CSMD3: variants seen among roughly 807,000 people sequenced by gnomAD.
The protein encoded by CSMD3 is CUB and sushi domain-containing protein 3.
A neutral mutation model predicts 435.2 loss-of-function variants in CSMD3; 177 were observed. The observed-to-expected ratio is 0.41, with a 90% CI of 0.36 to 0.46. The LOEUF (loss-of-function observed/expected upper bound fraction) is 0.46, where lower values mean the gene tolerates loss of function less well. Ranked by LOEUF, CSMD3 falls within the 20% of genes least tolerant of loss-of-function variation. The probability of loss-of-function intolerance (pLI) is 0.34; values close to 1 mark genes in which losing one functional copy is unlikely to be tolerated. For missense variants in CSMD3, 4,265 were observed against 4,504.6 expected (o/e 0.95, Z 1.52); for synonymous variants, 1,656 against 1,520.5 (o/e 1.09, Z -2.07).
rs1024016512 is a variant in CSMD3, at chr8:112,596,854, C to T, written c.3716-9619G>A. On this transcript the variant is annotated intron_variant, in intron 22 of 70. Transcript: ENST00000297405. ...ACACAATATACCAGAATCTCTGGGACGCATTCAAAGCAGTGTGTAGAGGGA... is the reference window on the plus strand; with the variant it reads ...ACACAATATACCAGAATCTCTGGGATGCATTCAAAGCAGTGTGTAGAGGGA... 5.1e-3 allele frequency among the ~76,000 whole-genome samples: 782 copies of T among 151,910 alleles called. 6 individuals are homozygous for T. The highest frequency in any genetic ancestry group is 0.017 in the African/African-American group (701 of 41,416).
chr8:112,278,139 T>C (rs1586630472), intron 59 of CSMD3, among the ~76,000 whole-genome samples: 1 of 152,172 alleles, frequency 6.6e-6, no homozygotes, highest in Admixed American at 6.6e-5. Context: ...TTGATCATGC[T>C]CTTTCTTAGG....
At chr8:113,299,861 C>T (rs987051012) in intron 2 of CSMD3, among the ~76,000 whole-genome samples, 5 of 152,000 alleles carry the variant, frequency 3.3e-5, no homozygotes, top group Admixed American at 2.0e-4. Context: ...AGGTGTGTGG[C>T]ACATGCCTGT....
At chr8:112,880,151 G>A (rs778501897) in intron 10 of CSMD3, among the ~76,000 whole-genome samples, 1 of 151,952 alleles carries the variant, frequency 6.6e-6, no homozygotes, top group African/African-American at 2.4e-5. Context: ...CAATAAAAAG[G>A]CAACTTATCA....
chr8:112,475,382 A>C (rs1818943272), intron 31 of CSMD3, among the ~76,000 whole-genome samples: 1 of 152,156 alleles, frequency 6.6e-6, no homozygotes, highest in Non-Finnish European at 1.5e-5. Flanking sequence ...TGAGGTTGTA[A>C]TTTAATCACA....
At position 112,263,784 on chromosome 8, in the gene CSMD3, G is replaced by A. The variant is rs533857504; in HGVS notation, c.9717C>T (p.Ile3239=). 1.9e-6 allele frequency: 3 copies of A among 1,613,724 alleles called. No homozygotes were observed. Among genetic ancestry groups the A allele is most frequent in the Non-Finnish European group, 2.5e-6 (3 of 1,179,792 alleles). Residue 3239 remains isoleucine, a synonymous_variant, in exon 61 of 71, where the codon ATC becomes ATT. Coordinates refer to ENST00000297405, the MANE Select transcript of CSMD3 (RefSeq NM_198123.2). ...RAVTCPTPPQ[I]SNGRLEGTNF... ...TTGTTCCTTCCAGCCTTCCATTAGA[G>A]ATCTGGGGAGGAGTTGGGCAGGTAA...
chr8:113,294,097 C>T (rs1036078312), intron 2 of CSMD3, among the ~76,000 whole-genome samples: 1 of 151,876 alleles, frequency 6.6e-6, no homozygotes, highest in African/African-American at 2.4e-5. Context: ...CTTCTTGTTA[C>T]CATGTATTAC....
At chr8:112,884,495 A>G (rs1424157975) in intron 10 of CSMD3, among the ~76,000 whole-genome samples, 1 of 151,730 alleles carries the variant, frequency 6.6e-6, no homozygotes, top group African/African-American at 2.4e-5. Flanking sequence ...TGTCTTGTGC[A>G]TTGCAGAATG....
chr8:112,651,215 T>C (rs540179361), intron 18 of CSMD3, among the ~76,000 whole-genome samples: 1 of 152,352 alleles, frequency 6.6e-6, no homozygotes, highest in South Asian at 2.1e-4. Flanking sequence ...GAATAACTAC[T>C]ATTTCTATAT....
intron 1 of CSMD3, among the ~76,000 whole-genome samples, chr8:113,380,652 T>C (rs1378905087): frequency 1.3e-5 from 2 of 152,146 alleles, no homozygotes; most frequent in Non-Finnish European, 2.9e-5. Flanking sequence ...ACAATAACCT[T>C]CCATAATAAC....
chr8:112,340,310 C>T (rs749783117), intron 42 of CSMD3, among the ~76,000 whole-genome samples: 53 of 152,204 alleles, frequency 3.5e-4, no homozygotes, highest in Non-Finnish European at 6.8e-4. Context: ...GAAATGACTC[C>T]TATTTTATGA....
intron 13 of CSMD3, among the ~76,000 whole-genome samples, chr8:112,741,443 C>A (rs1014194220): frequency 4.6e-5 from 7 of 151,620 alleles, no homozygotes; most frequent in African/African-American, 1.5e-4. Flanking sequence ...CAAAAGAAAA[C>A]AAACAAAGAA....
At chr8:113,389,156 C>G (rs2094451221) in intron 1 of CSMD3, among the ~76,000 whole-genome samples, 1 of 151,660 alleles carries the variant, frequency 6.6e-6, no homozygotes, top group Non-Finnish European at 1.5e-5. Context: ...CTAATTCCCA[C>G]TGTTAACAGC....
intron 30 of CSMD3, among the ~76,000 whole-genome samples, chr8:112,503,048 T>A (rs181228702): frequency 2.6e-4 from 40 of 152,286 alleles, no homozygotes; most frequent in South Asian, 2.3e-3. Context: ...TATAACTATA[T>A]TTCTTCTCTT....
intron 7 of CSMD3, among the ~76,000 whole-genome samples, chr8:112,970,917 T>A (rs1040594428): frequency 9.2e-5 from 14 of 151,758 alleles, no homozygotes; most frequent in Admixed American, 2.0e-4. Flanking sequence ...GAGATGGGGT[T>A]TCACCGTGTA....
chr8:113,122,777 G>C (rs2131641348), intron 4 of CSMD3, among the ~76,000 whole-genome samples: 1 of 152,186 alleles, frequency 6.6e-6, no homozygotes, highest in African/African-American at 2.4e-5. Context: ...GCAGGCCTAT[G>C]ACCTACAAAA....
intron 22 of CSMD3, among the ~76,000 whole-genome samples, chr8:112,591,343 G>A (rs1018971180): frequency 2.6e-5 from 4 of 152,064 alleles, no homozygotes; most frequent in African/African-American, 9.7e-5. Context: ...AAGAGTCACT[G>A]ATACAGTGAA....
At chr8:112,797,973 C>G (rs868699089) in intron 13 of CSMD3, among the ~76,000 whole-genome samples, 1 of 151,712 alleles carries the variant, frequency 6.6e-6, no homozygotes, top group Non-Finnish European at 1.5e-5. Context: ...TTATTAGCTA[C>G]CTATAATGAT....
chr8:113,099,465 G>A (rs2090267608), intron 4 of CSMD3, among the ~76,000 whole-genome samples: 1 of 151,978 alleles, frequency 6.6e-6, no homozygotes, highest in Non-Finnish European at 1.5e-5. Flanking sequence ...ATTGAAAAAC[G>A]TTTGTAGAAA....
rs528665514 is a variant in CSMD3, at chr8:113,368,341, T to G, written c.179-53548A>C. On this transcript the variant is annotated intron_variant, in intron 1 of 70. Coordinates refer to ENST00000297405, the MANE Select transcript of CSMD3 (RefSeq NM_198123.2). The stretch of plus-strand genomic sequence containing the variant: ...ATTTCCAGGAATTTAACAGATATGC[T>G]GGCTCTTGTCATGGATAAGTTTGAA... Among the ~76,000 whole-genome samples the G allele has an allele frequency of 2.6e-5, 4 of 152,254 alleles. No individual in the cohort carries two copies. In the South Asian group the frequency reaches 8.3e-4, roughly 32 times the overall value.
Sources: gnomAD v4.1 joint callset for allele counts (sites outside exome capture counted in the v4.1 genomes callset) on GRCh38, gnomAD v4.1.1 for gene constraint, MANE v1.5 for transcripts, NCBI Gene and HGNC (gene_info 2026-07-23, HGNC 2026-07-21) for gene names.